The following CLEC17A variants were observed in gnomAD, a reference collection of about 807,000 sequenced individuals.
The protein encoded by CLEC17A is C-type lectin domain containing 17A.
In CLEC17A, 37 loss-of-function variants were observed where a neutral mutation model predicts 61.3. The ratio of observed to expected loss-of-function variants is 0.60; its 90% CI spans 0.46 to 0.79. CLEC17A has a LOEUF of 0.79. Among genes scored for constraint, CLEC17A ranks in the 30% least tolerant of loss-of-function variants. CLEC17A has a pLI of 0.00. For missense variants in CLEC17A, 418 were observed against 464.7 expected (o/e 0.90, Z 0.92); for synonymous variants, 168 against 164.9 (o/e 1.02, Z -0.14).
intron 12 of CLEC17A, among the ~76,000 whole-genome samples, chr19:14,606,292 C>T (rs2074866072): frequency 6.6e-6 from 1 of 150,834 alleles, no homozygotes; most frequent in Non-Finnish European, 1.5e-5. Flanking sequence ...CTTTGGGAGA[C>T]TTACAGTGAC....
chr19:14,589,499 T>C (rs573365172), intron 3 of CLEC17A, among the ~76,000 whole-genome samples: 7 of 144,148 alleles, frequency 4.9e-5, no homozygotes, highest in African/African-American at 1.7e-4. Flanking sequence ...GGTGCAATCA[T>C]AGCTCACTGC....
chr19:14,600,885 G>A (rs1455200682), intron 12 of CLEC17A, among the ~76,000 whole-genome samples: 4 of 140,938 alleles, frequency 2.8e-5, no homozygotes, highest in African/African-American at 1.1e-4. Context: ...CACCACGCTC[G>A]GCCTTCTTTT....
chr19:14,608,662 C>G (rs1388722270), intron 13 of CLEC17A, among the ~76,000 whole-genome samples: 2 of 130,578 alleles, frequency 1.5e-5, no homozygotes, highest in African/African-American at 5.9e-5. Flanking sequence ...GAGACAGAGT[C>G]TCACTCTGTT....
At chr19:14,598,066 C>T (rs143830387) in intron 10 of CLEC17A, among the ~76,000 whole-genome samples, 2 of 152,202 alleles carry the variant, frequency 1.3e-5, no homozygotes, top group African/African-American at 4.8e-5. Flanking sequence ...TTCCACACTG[C>T]CTCACCCTAT....
chr19:14,611,112 A>G lies in CLEC17A; in HGVS notation c.*916A>G, dbSNP rs2075030422. ...GAAATACATTAAGTGGGCTGGTCTC[A>G]TGTAGTCCCCACATCATTGCAAATT... On this transcript the variant is annotated 3_prime_UTR_variant, in exon 14 of 14. Transcript: ENST00000417570. 6.6e-6 allele frequency: 1 copy of G among 151,426 alleles called. No individual in the cohort carries two copies. The highest frequency in any genetic ancestry group is 2.4e-5 in the African/African-American group (1 of 41,168). 9.4% of individuals were successfully genotyped at this position (151,426 alleles called of 1,614,324 possible). A position where few individuals can be genotyped will look rare whatever the true frequency, so the allele number is the denominator to read the frequency against.
chr19:14,586,600 T>TC (rs2074287238), intron 2 of CLEC17A, among the ~76,000 whole-genome samples: 1 of 95,488 alleles, frequency 1.0e-5, no homozygotes, highest in African/African-American at 1.4e-4. Context: ...TTTTTCTAAA[T>TC]TTTTTTTACA....
chr19:14,593,969 A>C (rs2074483994), intron 4 of CLEC17A, among the ~76,000 whole-genome samples: 1 of 138,072 alleles, frequency 7.2e-6, no homozygotes, highest in Non-Finnish European at 1.5e-5. Context: ...CTCATAAAAC[A>C]AACAAACAAA....
intron 13 of CLEC17A, among the ~76,000 whole-genome samples, chr19:14,607,925 C>T (rs988467480): frequency 6.6e-6 from 1 of 152,064 alleles, no homozygotes; most frequent in African/African-American, 2.4e-5. Flanking sequence ...GGCTGGAGTG[C>T]AGTGGTGCAA....
rs561594439 is a variant in CLEC17A, at chr19:14,612,030, A to G, written c.*1834A>G. The stretch of plus-strand genomic sequence containing the variant: ...AATAAATAAATAAAAATAAAAATTC[A>G]CTTTACTTCTGTGTGGACTTTCCTG... On this transcript the variant is annotated 3_prime_UTR_variant, in exon 14 of 14. Coordinates refer to ENST00000417570, the MANE Select transcript of CLEC17A (RefSeq NM_001204118.2). 2.8e-4 allele frequency among the ~76,000 whole-genome samples: 43 copies of G among 152,024 alleles called. No homozygotes were observed. The highest frequency in any genetic ancestry group is 1.5e-5 in the Non-Finnish European group (1 of 67,938).
chr19:14,595,208 T>C, intron 7 of CLEC17A, 66 bp from the exon 8 acceptor site: 1 of 1,566,572 alleles, frequency 6.4e-7, no homozygotes. Context: ...AAAACAGAGG[T>C]TGTTGATCTT....
intron 13 of CLEC17A, 69 bp from the exon 14 acceptor site, chr19:14,609,995 A>C: frequency 1.8e-6 from 2 of 1,135,488 alleles, no homozygotes; most frequent in Admixed American, 1.8e-5. Context: ...TCATCATTAC[A>C]GTATTATACA....
Position 14,592,306 on chromosome 19 carries a change from T to A in CLEC17A, c.225T>A (p.Asp75Glu), listed in dbSNP as rs753137908. ...GGACCATGGAGGAGGAGGAGGAGGA[T>A]GATGACTATGAGAACTCAACACCTC... ...KPGTMEEEEE[D>E]DDYENSTPPY... Residue 75 changes from aspartate (D) to glutamate (E), a missense_variant, in exon 4 of 14, where the codon GAT becomes GAA. Asp to Glu is a conservative substitution (Grantham distance 45). Transcript: ENST00000417570. The A allele has an allele frequency of 1.2e-6, 2 of 1,601,792 alleles. No homozygotes were observed. Among genetic ancestry groups the A allele is most frequent in the Non-Finnish European group, 8.5e-7 (1 of 1,174,368 alleles).
chr19:14,607,200 G>T, intron 13 of CLEC17A, 98 bp downstream of exon 13: 1 of 449,488 alleles, frequency 2.2e-6, no homozygotes, highest in African/African-American at 2.1e-5. Flanking sequence ...AAGGAGTCAG[G>T]AGCTGTTTCT....
At chr19:14,594,323 C>T (rs978743332) in intron 4 of CLEC17A, among the ~76,000 whole-genome samples, 194 bp from the exon 5 acceptor site, 1 of 151,706 alleles carries the variant, frequency 6.6e-6, no homozygotes, top group African/African-American at 2.4e-5. Context: ...AGGGAGATAC[C>T]CAGGCAATCT....
rs148624115 is a variant in CLEC17A, at chr19:14,607,010, C to T, written c.912C>T (p.Ala304=). 3.1e-6 allele frequency: 4 copies of T among 1,301,296 alleles called. No homozygotes were observed. The East Asian group carries it at 1.2e-4, about 39-fold the overall frequency. The allele number at this position is 1,301,296 out of a possible 1,614,324, so 80.6% of individuals were successfully genotyped here. Residue 304 remains alanine (A), a synonymous_variant, in exon 13 of 14, where the codon GCC becomes GCT. Transcript: ENST00000417570. ...ATTTGCAGAATTTTGTGGCCAAGGCCCATGGCTCTCCACGGGTGTACTGGC... is the reference window on the plus strand; with the variant it reads ...ATTTGCAGAATTTTGTGGCCAAGGCTCATGGCTCTCCACGGGTGTACTGGC... The part of the protein sequence containing the change: ...SFAEHNFVAK[A]HGSPRVYWLG...
At chr19:14,583,562 C>T (rs530697770) in intron 2 of CLEC17A, 128 bp downstream of exon 2, 26 of 1,524,702 alleles carry the variant, frequency 1.7e-5, no homozygotes, top group Non-Finnish European at 2.1e-5. Context: ...CACTGTGGAA[C>T]CCACACCCTG....
At chr19:14,583,326 G>T in intron 1 of CLEC17A, 31 bp from the exon 2 acceptor site, 1 of 1,606,788 alleles carries the variant, frequency 6.2e-7, no homozygotes, top group East Asian at 2.2e-5. Context: ...GGAGGGAATG[G>T]CTGGGCTCTG....
At chr19:14,608,628 ATTTTTTTTTTT>A (rs71166765) in intron 13 of CLEC17A, among the ~76,000 whole-genome samples, 2 of 119,748 alleles carry the variant, frequency 1.7e-5, no homozygotes, top group South Asian at 5.3e-4. Context: ...ATGAGGAAGA[ATTTTTTTTTTT>A]TTTTTTTTTT....
chr19:14,582,196 C>T (rs1387426677), upstream of CLEC17A, among the ~76,000 whole-genome samples: 2 of 151,582 alleles, frequency 1.3e-5, no homozygotes, highest in African/African-American at 2.4e-5. Context: ...TTCCCTTCTA[C>T]GAGGACCCTT....
Sources: gnomAD v4.1 joint callset for allele counts (sites outside exome capture counted in the v4.1 genomes callset) on GRCh38, gnomAD v4.1.1 for gene constraint, MANE v1.5 for transcripts, NCBI Gene and HGNC (gene_info 2026-07-23, HGNC 2026-07-21) for gene names.